Variants in DPP6 observed in about 807,000 individuals in gnomAD.
DPP6 encodes A-type potassium channel modulatory protein DPP6.
DPP6 carries 69 observed loss-of-function variants against 122.6 expected under a neutral mutation model. The observed-to-expected ratio is 0.56, with a 90% CI of 0.46 to 0.69. DPP6 has a LOEUF of 0.69. Ranked by LOEUF, DPP6 falls within the 30% of genes least tolerant of loss-of-function variation. The probability of loss-of-function intolerance (pLI) is 0.00; values close to 1 mark genes in which losing one functional copy is unlikely to be tolerated. For synonymous variants in DPP6, 418 were observed against 433.1 expected (o/e 0.97, Z 0.43); for missense variants, 928 against 1,116.9 (o/e 0.83, Z 2.41).
chr7:153,762,869 A>G, the DPP6 span, among the ~76,000 whole-genome samples: 1 of 152,184 alleles, frequency 6.6e-6, no homozygotes, highest in East Asian at 1.9e-4. Flanking sequence ...TCCTAGATAC[A>G]CACCAAGGTT....
intron 1 of DPP6, among the ~76,000 whole-genome samples, chr7:153,980,021 C>T (rs1437750613): frequency 6.6e-6 from 1 of 152,110 alleles, no homozygotes; most frequent in East Asian, 1.9e-4. Context: ...TTAGTTGTGT[C>T]TCTGCTAGGT....
In DPP6 at chr7:154,760,135, A is replaced by G. The variant is rs182460094; in HGVS notation, c.884-9282A>G. On this transcript the variant is annotated intron_variant, in intron 8 of 25. Transcript: ENST00000377770. The surrounding 1 kb of genome is among the most constrained non-coding windows in gnomAD (Gnocchi z 4.5). ...GAGATTCTGTCTCAAAACAAAAAAA[A>G]GTCTATTCCCAAGGAGACAGGCATC... Among the ~76,000 whole-genome samples, 242 of 152,326 alleles carry G rather than the reference A, an allele frequency of 1.6e-3. No homozygotes were observed. The highest frequency in any genetic ancestry group is 5.4e-3 in the African/African-American group (226 of 41,580).
At chr7:154,002,345 G>A (rs1797726211) in intron 1 of DPP6, among the ~76,000 whole-genome samples, 1 of 152,000 alleles carries the variant, frequency 6.6e-6, no homozygotes, top group South Asian at 2.1e-4. Flanking sequence ...CTAAAAGCAA[G>A]GCCTGATCCC....
chr7:154,331,870 C>T (rs1412096267), intron 1 of DPP6, among the ~76,000 whole-genome samples: 3 of 152,260 alleles, frequency 2.0e-5, no homozygotes, highest in South Asian at 2.1e-4. Flanking sequence ...TAGCAAATCC[C>T]AGGATGTTCT....
intron 1 of DPP6, among the ~76,000 whole-genome samples, chr7:153,918,805 C>G (rs1214689691): frequency 6.6e-6 from 1 of 151,732 alleles, no homozygotes; most frequent in African/African-American, 2.4e-5. Context: ...CATGGTGAAA[C>G]CCCGTCTCTA....
Position 154,334,482 on chromosome 7 carries a change from G to A in DPP6, c.244-111732G>A, listed in dbSNP as rs545796775. Among the ~76,000 whole-genome samples, 42 of 152,308 alleles carry A rather than the reference G, an allele frequency of 2.8e-4. No individual in the cohort carries two copies. In the South Asian group the frequency reaches 3.7e-3, roughly 14 times the overall value. ...CTCACTTCTGCCATCAATGGCAAGC[G>A]GCACTGGCTGCGTGGAAAAGCCAAG... is the stretch of plus-strand genomic sequence containing the variant. On this transcript the variant is annotated intron_variant, in intron 1 of 25. Coordinates refer to ENST00000377770, the MANE Select transcript of DPP6 (RefSeq NM_130797.4).
Position 153,988,186 on chromosome 7 carries a change from G to A in DPP6, c.51+100452G>A, listed in dbSNP as rs28464597. On this transcript the variant is annotated intron_variant, in intron 1 of 25. Transcript: ENST00000404039. ...TGACGGAGGAGGGAGGGAGGGCGTC[G>A]AGGGTGATGCATCAAACTGAGGGTG... 4.5e-4 allele frequency among the ~76,000 whole-genome samples: 69 copies of A among 152,106 alleles called. 3 individuals carry two copies. The East Asian group carries it at 9.5e-3, about 21-fold the overall frequency.
chr7:154,690,902 C>T (rs1839895873), intron 7 of DPP6, among the ~76,000 whole-genome samples: 2 of 152,194 alleles, frequency 1.3e-5, no homozygotes, highest in African/African-American at 4.8e-5. Context: ...TAGGACCACC[C>T]GCTGTTAAGT....
chr7:154,176,888 T>G (rs1418021527), intron 1 of DPP6, among the ~76,000 whole-genome samples: 2 of 152,094 alleles, frequency 1.3e-5, no homozygotes, highest in Admixed American at 1.3e-4. Flanking sequence ...GTCGCCCAGG[T>G]TACAGTGTGA....
intron 1 of DPP6, among the ~76,000 whole-genome samples, chr7:153,929,658 A>T (rs4141105): frequency 0.28 from 42,089 of 151,950 alleles, 7,228 homozygotes; most frequent in East Asian, 0.64. Flanking sequence ...GACCCAGGGC[A>T]CTTTCCCACC....
rs1343648471 is a variant in DPP6, at chr7:154,806,990, C to T, written c.1548-4C>T. The T allele has an allele frequency of 6.2e-7, 1 of 1,613,616 alleles. No homozygotes were observed. The highest frequency in any genetic ancestry group is 8.5e-7 in the Non-Finnish European group (1 of 1,179,712). On this transcript the variant is annotated splice_region_variant and splice_polypyrimidine_tract_variant and intron_variant, in intron 15 of 25. Transcript: ENST00000377770. ...ATTCACACCTGCGTCCTTTGCTCTT[C>T]CAGTGCCAACACGGTGGGCAACTTC...
the DPP6 span, among the ~76,000 whole-genome samples, chr7:153,815,584 G>T: frequency 7.7e-5 from 11 of 142,934 alleles, no homozygotes; most frequent in African/African-American, 2.9e-4. Flanking sequence ...TGTTCTCATT[G>T]TTAGCCTCTC....
In DPP6 at chr7:154,316,616, G is replaced by A. The variant is rs188651765; in HGVS notation, c.244-129598G>A. On this transcript the variant is annotated intron_variant, in intron 1 of 25. Coordinates refer to ENST00000377770, the MANE Select transcript of DPP6 (RefSeq NM_130797.4). ...AGAAGTGCTTTGAGGAAAGAAAGAT[G>A]GGGAATCAAGATCAGAGGAATGCAA... Among the ~76,000 whole-genome samples the A allele has an allele frequency of 1.4e-3, 208 of 152,290 alleles. 1 individual carries two copies. The highest frequency in any genetic ancestry group is 4.9e-3 in the African/African-American group (203 of 41,550).
chr7:154,568,075 CTT>C (rs1830875307), intron 5 of DPP6, among the ~76,000 whole-genome samples: 1 of 152,140 alleles, frequency 6.6e-6, no homozygotes, highest in South Asian at 2.1e-4. Context: ...ATCTTTGTCT[CTT>C]TGATTGGGAT....
At chr7:154,766,844 G>C (rs1414917277) in intron 8 of DPP6, among the ~76,000 whole-genome samples, 2 of 152,148 alleles carry the variant, frequency 1.3e-5, no homozygotes, top group Admixed American at 1.3e-4. Context: ...ATTTCCTTTA[G>C]GTCAGAGAGC....
At chr7:154,548,494 C>T (rs1829380992) in intron 4 of DPP6, among the ~76,000 whole-genome samples, 1 of 150,088 alleles carries the variant, frequency 6.7e-6, no homozygotes, top group Non-Finnish European at 1.5e-5. Context: ...TGCCATTGCA[C>T]TCCAGCCTGG....
intron 1 of DPP6, among the ~76,000 whole-genome samples, chr7:154,042,686 G>A (rs1358940039): frequency 6.6e-6 from 1 of 152,198 alleles, no homozygotes; most frequent in Non-Finnish European, 1.5e-5. Flanking sequence ...TAGTCAACTT[G>A]TGGAGCTCTC....
At chr7:154,591,720 G>A (rs952225321) in intron 5 of DPP6, among the ~76,000 whole-genome samples, 2 of 152,212 alleles carry the variant, frequency 1.3e-5, no homozygotes, top group African/African-American at 4.8e-5. Context: ...CCCTGATCCA[G>A]CAGAGGAGAC....
At chr7:154,563,987 A>G (rs938297991) in intron 4 of DPP6, among the ~76,000 whole-genome samples, 4 of 152,146 alleles carry the variant, frequency 2.6e-5, no homozygotes, top group Non-Finnish European at 5.9e-5. Flanking sequence ...GAGCACTCCA[A>G]CATTCAGAGC....
Sources: allele counts gnomAD v4.1 joint callset (sites outside exome capture counted in the v4.1 genomes callset), GRCh38; gene constraint gnomAD v4.1.1; non-coding constraint Gnocchi (gnomAD v3.1); transcripts MANE v1.5; gene names NCBI Gene and HGNC (gene_info 2026-07-23, HGNC 2026-07-21).